CDIN1: variants seen among roughly 807,000 people sequenced by gnomAD.
The protein encoded by CDIN1 is CDAN1 interacting nuclease 1.
CDIN1 carries 33 observed loss-of-function variants against 45.3 expected under a neutral mutation model. The observed-to-expected ratio is 0.73, with a 90% CI of 0.55 to 0.97. The LOEUF (loss-of-function observed/expected upper bound fraction) is 0.97. CDIN1 is among the 50% of genes least tolerant of loss of function. The pLI, the probability that CDIN1 is intolerant of heterozygous loss-of-function variation, is 0.00. For missense variants in CDIN1, 303 were observed against 339.4 expected, an observed-to-expected ratio of 0.89 and a Z score of 0.84; for synonymous variants, 118 against 124.4, an observed-to-expected ratio of 0.95 and a Z score of 0.34.
At chr15:36,636,666 A>G (rs9635387) in intron 1 of CDIN1, among the ~76,000 whole-genome samples, 77,899 of 152,144 alleles carry the variant, frequency 0.51, 20,257 homozygotes, top group Admixed American at 0.59. Flanking sequence ...GCAGAGATAT[A>G]TGCAACAGTA....
chr15:36,786,897 C>T (rs762842939), intron 10 of CDIN1, among the ~76,000 whole-genome samples: 4 of 152,026 alleles, frequency 2.6e-5, no homozygotes, highest in Admixed American at 6.6e-5. Flanking sequence ...TCTGTGATAC[C>T]ACTCTTTCCT....
Position 36,620,202 on chromosome 15 carries a change from T to A in CDIN1, c.102-24076T>A, listed in dbSNP as rs371294252. On this transcript the variant is annotated intron_variant, in intron 1 of 10. Transcript: ENST00000566621. Reference sequence around the variant, plus strand: ...CCGTCTCTACTAAAAATACAAAAAATTAGCTGGGAGTGGTGGCGGGCGCCT... The same window carrying A: ...CCGTCTCTACTAAAAATACAAAAAAATAGCTGGGAGTGGTGGCGGGCGCCT... Among the ~76,000 whole-genome samples, 14 of 151,928 alleles carry A rather than the reference T, an allele frequency of 9.2e-5. No homozygotes were observed. The East Asian group carries it at 2.3e-3, about 25-fold the overall frequency.
intron 1 of CDIN1, among the ~76,000 whole-genome samples, chr15:36,637,714 C>T (rs551408883): frequency 2.0e-5 from 3 of 152,146 alleles, no homozygotes; most frequent in South Asian, 2.1e-4. Context: ...ATAAATTTGG[C>T]GTATACTCAT....
intron 10 of CDIN1, among the ~76,000 whole-genome samples, chr15:36,783,491 T>C (rs2054405041): frequency 6.6e-6 from 1 of 152,200 alleles, no homozygotes; most frequent in Non-Finnish European, 1.5e-5. Context: ...GAGCATCTTA[T>C]TGATACCTTT....
chr15:36,606,529 A>C (rs777395833), intron 1 of CDIN1, among the ~76,000 whole-genome samples: 3 of 152,196 alleles, frequency 2.0e-5, no homozygotes, highest in Non-Finnish European at 4.4e-5. Flanking sequence ...TGACTGCAGC[A>C]CTTAAATGAA....
chr15:36,618,816 G>T (rs1156323304), intron 1 of CDIN1: 21 of 804,958 alleles, frequency 2.6e-5, no homozygotes, highest in Non-Finnish European at 4.3e-5. Flanking sequence ...CAGAAGGATG[G>T]TCTCAACCAG....
intron 1 of CDIN1, chr15:36,614,228 T>A (rs2038781409): frequency 9.6e-6 from 6 of 625,426 alleles, no homozygotes; most frequent in South Asian, 8.3e-5. Context: ...CTGCTGCTGC[T>A]CCTCCCTCTG....
intron 5 of CDIN1, among the ~76,000 whole-genome samples, chr15:36,667,235 A>G (rs921626404): frequency 6.6e-6 from 1 of 152,182 alleles, no homozygotes; most frequent in African/African-American, 2.4e-5. Context: ...GTTTACCCAA[A>G]AAGAGCTCTT....
At chr15:36,764,223 T>A in intron 10 of CDIN1, among the ~76,000 whole-genome samples, 1 of 151,044 alleles carries the variant, frequency 6.6e-6, no homozygotes, top group Non-Finnish European at 1.5e-5. Context: ...GGTTTTTTTT[T>A]TTTTTTTTTT....
chr15:36,653,994 G>A (rs867255716), intron 3 of CDIN1, 104 bp from the exon 4 acceptor site: 32 of 773,410 alleles, frequency 4.1e-5, no homozygotes, highest in Middle Eastern at 2.4e-4. Flanking sequence ...AGAGTTGAGC[G>A]TGGCATTTGT....
intron 10 of CDIN1, among the ~76,000 whole-genome samples, chr15:36,729,599 T>A (rs1391404462): frequency 6.6e-6 from 1 of 152,196 alleles, no homozygotes; most frequent in African/African-American, 2.4e-5. Context: ...ATCTGAATTG[T>A]CAAAGTGTAA....
chr15:36,713,396 C>G (rs938623395), intron 10 of CDIN1, among the ~76,000 whole-genome samples: 1 of 151,726 alleles, frequency 6.6e-6, no homozygotes. Context: ...TGATATACCT[C>G]TCTGCTTCTC....
chr15:36,776,392 C>G (rs2054217445), intron 10 of CDIN1, among the ~76,000 whole-genome samples: 1 of 152,208 alleles, frequency 6.6e-6, no homozygotes, highest in Non-Finnish European at 1.5e-5. Context: ...CTTCTAGTTC[C>G]TCACTGAGCA....
chr15:36,797,911 C>T (rs1248639229), intron 10 of CDIN1, among the ~76,000 whole-genome samples: 3 of 146,228 alleles, frequency 2.1e-5, no homozygotes, highest in South Asian at 4.5e-4. Context: ...ACCTGGGAGG[C>T]GGAGGTTGCA....
chr15:36,751,079 AG>A (rs546582028), intron 10 of CDIN1, among the ~76,000 whole-genome samples: 1 of 151,756 alleles, frequency 6.6e-6, no homozygotes, highest in Non-Finnish European at 1.5e-5. Flanking sequence ...GGGTAAGGGA[AG>A]CCCAGTCTGA....
chr15:36,614,627 G>A (rs958856207), intron 1 of CDIN1, among the ~76,000 whole-genome samples: 1 of 152,104 alleles, frequency 6.6e-6, no homozygotes, highest in African/African-American at 2.4e-5. Flanking sequence ...TCTCCATAGA[G>A]GAGAGGAAAA....
At chr15:36,654,539 T>C (rs1261512882) in intron 4 of CDIN1, among the ~76,000 whole-genome samples, 1 of 150,728 alleles carries the variant, frequency 6.6e-6, no homozygotes, top group African/African-American at 2.4e-5. Flanking sequence ...AAAACTGCTG[T>C]TATAAAAATG....
intron 5 of CDIN1, among the ~76,000 whole-genome samples, chr15:36,689,622 C>G (rs1382189965): frequency 1.3e-5 from 2 of 152,132 alleles, no homozygotes; most frequent in African/African-American, 4.8e-5. Context: ...CTGCTTTGGT[C>G]CCCTCTGACT....
At chr15:36,583,638 A>C (rs1209344499) in intron 1 of CDIN1, among the ~76,000 whole-genome samples, 1 of 152,232 alleles carries the variant, frequency 6.6e-6, no homozygotes, top group African/African-American at 2.4e-5. Flanking sequence ...TAATGAGAGC[A>C]ATTTTACCAT....
Sources: allele counts gnomAD v4.1 joint callset (sites outside exome capture counted in the v4.1 genomes callset), GRCh38; gene constraint gnomAD v4.1.1; transcripts MANE v1.5; gene names NCBI Gene and HGNC (gene_info 2026-07-23, HGNC 2026-07-21).